The following DDX10 variants were observed in gnomAD, a reference collection of about 807,000 sequenced individuals.
DDX10 encodes probable ATP-dependent RNA helicase DDX10.
In DDX10, 74 loss-of-function variants were observed where a neutral mutation model predicts 104.3. That is an observed-to-expected ratio of 0.71 (90% confidence interval 0.59 to 0.86). The LOEUF (loss-of-function observed/expected upper bound fraction) is 0.86. Among genes scored for constraint, DDX10 ranks in the 40% least tolerant of loss-of-function variants. The pLI, the probability that DDX10 is intolerant of heterozygous loss-of-function variation, is 0.00. For missense variants in DDX10, 952 were observed against 1,040.0 expected, an observed-to-expected ratio of 0.92 and a Z score of 1.16; for synonymous variants, 351 against 353.4, an observed-to-expected ratio of 0.99 and a Z score of 0.08.
At chr11:108,836,373 G>T (rs187653275) in intron 13 of DDX10, among the ~76,000 whole-genome samples, 4 of 152,290 alleles carry the variant, frequency 2.6e-5, no homozygotes, top group Admixed American at 2.0e-4. Flanking sequence ...TAATATTATT[G>T]CAGATGCACT....
chr11:108,872,536 C>G (rs1863096590), intron 16 of DDX10, among the ~76,000 whole-genome samples: 1 of 152,122 alleles, frequency 6.6e-6, no homozygotes, highest in South Asian at 2.1e-4. Flanking sequence ...AGATAATATT[C>G]TCCCCAGGTT....
At position 108,914,606 on chromosome 11, in the gene DDX10, G is replaced by A. The variant is rs568972646; in HGVS notation, c.2305-3267G>A. ...GAAACATGATAGAATCTAGTGTTTC[G>A]GTAATATGTTATCTACAATCTCCAG... On this transcript the variant is annotated intron_variant, in intron 16 of 17. Transcript: ENST00000322536. Among the ~76,000 whole-genome samples, 11 of 152,036 alleles carry A rather than the reference G, an allele frequency of 7.2e-5. No individual in the cohort carries two copies. The East Asian group carries it at 9.7e-4, about 13-fold the overall frequency.
At chr11:108,783,289 C>G (rs774959589) in intron 13 of DDX10, among the ~76,000 whole-genome samples, 1 of 152,118 alleles carries the variant, frequency 6.6e-6, no homozygotes, top group Non-Finnish European at 1.5e-5. Context: ...AATATGAAGA[C>G]TTAAAATGGG....
At chr11:108,692,384 A>G (rs2094253984) in intron 8 of DDX10, among the ~76,000 whole-genome samples, 1 of 152,218 alleles carries the variant, frequency 6.6e-6, no homozygotes, top group Non-Finnish European at 1.5e-5. Flanking sequence ...TTAACAAGAA[A>G]AATCAGTGAA....
chr11:108,889,014 C>T (rs1357327661), intron 16 of DDX10, among the ~76,000 whole-genome samples: 1 of 152,096 alleles, frequency 6.6e-6, no homozygotes, highest in Non-Finnish European at 1.5e-5. Flanking sequence ...GAAATAAAGG[C>T]CCATCAAATA....
intron 13 of DDX10, among the ~76,000 whole-genome samples, chr11:108,795,049 A>G (rs569883709): frequency 4.7e-4 from 71 of 152,022 alleles, no homozygotes; most frequent in Admixed American, 3.5e-3. Context: ...GCTGGTCTTG[A>G]ACTCCTGGCC....
At chr11:108,933,852 A>G (rs1290908661) in intron 17 of DDX10, among the ~76,000 whole-genome samples, 3 of 152,242 alleles carry the variant, frequency 2.0e-5, no homozygotes, top group African/African-American at 7.2e-5. Flanking sequence ...ACAGTAGGCC[A>G]GTCAGATACT....
At chr11:108,676,817 A>G (rs535456496) in intron 3 of DDX10, among the ~76,000 whole-genome samples, 1 of 152,282 alleles carries the variant, frequency 6.6e-6, no homozygotes, top group South Asian at 2.1e-4. Context: ...TTTGGGTTGT[A>G]CATACCTTTC....
chr11:108,783,887 A>G (rs917074025), intron 13 of DDX10, among the ~76,000 whole-genome samples: 3 of 152,124 alleles, frequency 2.0e-5, no homozygotes, highest in Non-Finnish European at 2.9e-5. Context: ...CAACGTTTCC[A>G]TTCCCATTTA....
Position 108,759,265 on chromosome 11 carries a change from G to C in DDX10, c.1965+35803G>C, listed in dbSNP as rs535076385. Among the ~76,000 whole-genome samples, 11 of 152,078 alleles carry C rather than the reference G, an allele frequency of 7.2e-5. No individual in the cohort carries two copies. In the East Asian group the frequency reaches 1.5e-3, roughly 21 times the overall value. ...GCTTAAGTTTCTTTTACTTATAGCT[G>C]TCATATACCTATATGACCAAAACAA... On this transcript the variant is annotated intron_variant, in intron 13 of 17. Coordinates refer to ENST00000322536, the MANE Select transcript of DDX10 (RefSeq NM_004398.4).
intron 7 of DDX10, among the ~76,000 whole-genome samples, chr11:108,689,737 C>T (rs1341409502): frequency 1.3e-5 from 2 of 152,192 alleles, no homozygotes; most frequent in African/African-American, 4.8e-5. Flanking sequence ...GTGCGTGTGC[C>T]TCTTCTCCTG....
intron 16 of DDX10, among the ~76,000 whole-genome samples, chr11:108,864,268 A>G (rs1172342418): frequency 6.6e-6 from 1 of 152,104 alleles, no homozygotes; most frequent in African/African-American, 2.4e-5. Flanking sequence ...AAATGCCCAT[A>G]TCTAGCTTCC....
intron 13 of DDX10, among the ~76,000 whole-genome samples, chr11:108,785,579 GCT>G (rs1388948070): frequency 2.6e-5 from 4 of 152,056 alleles, no homozygotes; most frequent in African/African-American, 4.8e-5. Context: ...CTCGTCTGGA[GCT>G]CTTTTGGTTT....
At chr11:108,879,914 C>T (rs1863204530) in intron 16 of DDX10, among the ~76,000 whole-genome samples, 1 of 152,064 alleles carries the variant, frequency 6.6e-6, no homozygotes, top group African/African-American at 2.4e-5. Flanking sequence ...GATATTACTG[C>T]ATATTTTTTC....
At chr11:108,891,153 G>A (rs1863370990) in intron 16 of DDX10, among the ~76,000 whole-genome samples, 2 of 152,158 alleles carry the variant, frequency 1.3e-5, no homozygotes, top group Admixed American at 1.3e-4. Context: ...TCTTCATTAA[G>A]CATTTTGGTG....
chr11:108,666,095 C>T (rs1338386645), intron 1 of DDX10, among the ~76,000 whole-genome samples: 3 of 152,192 alleles, frequency 2.0e-5, no homozygotes, highest in African/African-American at 7.2e-5. Context: ...CCTCTTTTCC[C>T]TTTCCCTAAA....
intron 13 of DDX10, among the ~76,000 whole-genome samples, chr11:108,791,098 T>C (rs1196718484): frequency 2.0e-5 from 3 of 152,256 alleles, no homozygotes; most frequent in Non-Finnish European, 4.4e-5. Context: ...GAAGAGATAC[T>C]AGTGTGACTT....
intron 16 of DDX10, among the ~76,000 whole-genome samples, chr11:108,909,929 A>C (rs1261621897): frequency 6.6e-6 from 1 of 152,162 alleles, no homozygotes; most frequent in Non-Finnish European, 1.5e-5. Context: ...ATCTGAAAGA[A>C]CGTGTTGTAA....
intron 10 of DDX10, among the ~76,000 whole-genome samples, chr11:108,712,643 G>A (rs2094285970): frequency 6.6e-6 from 1 of 151,972 alleles, no homozygotes; most frequent in South Asian, 2.1e-4. Context: ...GCATACATAA[G>A]CGTATATACA....
Sources: allele counts gnomAD v4.1 joint callset (sites outside exome capture counted in the v4.1 genomes callset), GRCh38; gene constraint gnomAD v4.1.1; transcripts MANE v1.5; gene names NCBI Gene and HGNC (gene_info 2026-07-23, HGNC 2026-07-21).